VPS50: variants seen among roughly 807,000 people sequenced by gnomAD.
VPS50 encodes the protein VPS50 subunit of EARP/GARPII complex, also known as syndetin.
A neutral mutation model predicts 139.7 loss-of-function variants in VPS50; 70 were observed. That is an observed-to-expected ratio of 0.50 (90% CI 0.41 to 0.61). The LOEUF (loss-of-function observed/expected upper bound fraction) is 0.61, where lower values mean the gene tolerates loss of function less well. Ranked by LOEUF, VPS50 falls within the 20% of genes least tolerant of loss-of-function variation. VPS50 has a pLI of 0.00. For missense variants in VPS50, 921 were observed against 1,133.7 expected (o/e 0.81, Z 2.69); for synonymous variants, 365 against 376.7 (o/e 0.97, Z 0.36).
intron 9 of VPS50, among the ~76,000 whole-genome samples, chr7:93,268,374 C>G (rs1205425481): frequency 6.6e-6 from 1 of 151,754 alleles, no homozygotes; most frequent in Non-Finnish European, 1.5e-5. Flanking sequence ...ATGTGCATGT[C>G]TGTTACATAG....
intron 1 of VPS50, among the ~76,000 whole-genome samples, chr7:93,238,676 A>G (rs1794890689): frequency 6.6e-6 from 1 of 152,232 alleles, no homozygotes; most frequent in African/African-American, 2.4e-5. Context: ...TTTAGGGCCT[A>G]GGAATCTTAC....
chr7:93,286,763 T>A (rs1376811560), intron 12 of VPS50, among the ~76,000 whole-genome samples: 1 of 152,104 alleles, frequency 6.6e-6, no homozygotes, highest in East Asian at 1.9e-4. Context: ...AAATTCTCGA[T>A]TTGAAATTTG....
intron 12 of VPS50, among the ~76,000 whole-genome samples, chr7:93,278,883 A>G (rs1237005056): frequency 1.3e-5 from 2 of 152,194 alleles, no homozygotes; most frequent in East Asian, 3.9e-4. Context: ...GTCATAGAAA[A>G]CATAATAGCA....
chr7:93,268,058 G>A (rs781376180), intron 9 of VPS50, among the ~76,000 whole-genome samples: 9 of 152,148 alleles, frequency 5.9e-5, no homozygotes, highest in Admixed American at 3.3e-4. Context: ...TAAATGTGAG[G>A]CTGCCAGATG....
intron 27 of VPS50, among the ~76,000 whole-genome samples, chr7:93,357,251 C>T (rs1798732268): frequency 1.3e-5 from 2 of 152,226 alleles, no homozygotes; most frequent in South Asian, 4.1e-4. Flanking sequence ...CTATTCGATG[C>T]AAGAATGATG....
At chr7:93,300,439 C>G (rs955034140) in intron 16 of VPS50, among the ~76,000 whole-genome samples, 10 of 151,998 alleles carry the variant, frequency 6.6e-5, no homozygotes, top group African/African-American at 2.4e-4. Flanking sequence ...AACATAGATG[C>G]AAAATCCTAC....
Position 93,311,253 on chromosome 7 carries a change from GA to G in VPS50, c.1838del (p.Asn613ThrfsTer3). On this transcript the variant is annotated frameshift_variant, in exon 20 of 28. Coordinates refer to ENST00000305866, the MANE Select transcript of VPS50 (RefSeq NM_017667.4). LOFTEE classifies it high-confidence loss of function. ...CACCTATCTTAACAAATACAACATT[GA>G]ACGTCATAAGACTTGTTGGTAAGTA... Reference protein sequence around the residue: ...NAPILTNTTLNVIRLVGKYMQ... With the variant: ...NAPILTNTTLXVIRLVGKYMQ... 1 of 1,244,880 alleles carries G rather than the reference GA, an allele frequency of 8.0e-7. No homozygotes were observed. Among genetic ancestry groups the G allele is most frequent in the Non-Finnish European group, 1.2e-6 (1 of 843,670 alleles). The allele number at this position is 1,244,880 out of a possible 1,614,324, so 77.1% of individuals were successfully genotyped here.
At chr7:93,246,031 A>C in intron 2 of VPS50, 1 of 861,556 alleles carries the variant, frequency 1.2e-6, no homozygotes. Context: ...TGAAAACTTC[A>C]TGTTTTGTTC....
At chr7:93,347,994 G>GA (rs958909108) in intron 23 of VPS50, among the ~76,000 whole-genome samples, 9 of 148,084 alleles carry the variant, frequency 6.1e-5, no homozygotes, top group Non-Finnish European at 1.1e-4. Context: ...TTAAAAAAAA[G>GA]AAAAAAAAAA....
chr7:93,275,299 A>T (rs1223009790), intron 11 of VPS50, among the ~76,000 whole-genome samples: 2 of 152,200 alleles, frequency 1.3e-5, no homozygotes, highest in Non-Finnish European at 2.9e-5. Flanking sequence ...TCTACTGTGG[A>T]TAAAATGCTA....
rs969349664 is a variant in VPS50 at position 93,275,169 on chromosome 7, A to G, written c.802-996A>G. 2.6e-5 allele frequency among the ~76,000 whole-genome samples: 4 copies of G among 152,206 alleles called. No homozygotes were observed. In the South Asian group the frequency reaches 8.3e-4, roughly 32 times the overall value. ...ACAGTGGTTTCTTGAGATGGAATCT[A>G]CTAGTGAACATGCCATGAACATTGT... On this transcript the variant is annotated intron_variant, in intron 11 of 27. Coordinates refer to ENST00000305866, the MANE Select transcript of VPS50 (RefSeq NM_017667.4).
chr7:93,248,870 G>A (rs983161634), intron 2 of VPS50, among the ~76,000 whole-genome samples: 1 of 152,070 alleles, frequency 6.6e-6, no homozygotes, highest in Non-Finnish European at 1.5e-5. Context: ...AAGGGGGTTT[G>A]AATAAGTTCC....
chr7:93,351,069 C>T (rs1249012744), intron 25 of VPS50, among the ~76,000 whole-genome samples: 1 of 152,106 alleles, frequency 6.6e-6, no homozygotes, highest in Non-Finnish European at 1.5e-5. Context: ...ACCCAACTCC[C>T]AGCAATTTAT....
At chr7:93,241,358 G>A (rs150158848) in intron 2 of VPS50, among the ~76,000 whole-genome samples, 107 of 152,250 alleles carry the variant, frequency 7.0e-4, no homozygotes, top group Non-Finnish European at 1.3e-3. Flanking sequence ...CTTGGGTGGA[G>A]TGGCCAGTCT....
chr7:93,339,293 T>A (rs1798148169), intron 22 of VPS50, among the ~76,000 whole-genome samples: 1 of 150,428 alleles, frequency 6.6e-6, no homozygotes, highest in Non-Finnish European at 1.5e-5. Context: ...TAATTAGAGA[T>A]TGAAAAGAGA....
chr7:93,308,968 T>G (rs1298564118), intron 19 of VPS50, 26 bp downstream of exon 19: 5 of 1,181,920 alleles, frequency 4.2e-6, no homozygotes, highest in Non-Finnish European at 6.3e-6. Context: ...TTGTGTGGTA[T>G]TTAGCATTTT....
intron 14 of VPS50, among the ~76,000 whole-genome samples, chr7:93,296,286 T>C (rs1796807767): frequency 6.6e-6 from 1 of 152,198 alleles, no homozygotes; most frequent in Admixed American, 6.6e-5. Context: ...AAATTAAATA[T>C]TTAATTTATC....
At chr7:93,320,223 T>G (rs1167535633) in intron 20 of VPS50, among the ~76,000 whole-genome samples, 9 of 152,110 alleles carry the variant, frequency 5.9e-5, no homozygotes, top group Non-Finnish European at 2.9e-5. Flanking sequence ...GTAGATTTAC[T>G]GGCAGTCTTT....
intron 12 of VPS50, among the ~76,000 whole-genome samples, chr7:93,283,558 C>T (rs1278915302): frequency 1.3e-5 from 2 of 152,008 alleles, no homozygotes; most frequent in Admixed American, 1.3e-4. Flanking sequence ...CTTACTCAGT[C>T]GTCAGTTTTC....
Sources: gnomAD v4.1 joint callset for allele counts (sites outside exome capture counted in the v4.1 genomes callset) on GRCh38, gnomAD v4.1.1 for gene constraint, MANE v1.5 for transcripts, NCBI Gene and HGNC (gene_info 2026-07-23, HGNC 2026-07-21) for gene names.